HTR2C: variants seen among roughly 807,000 people sequenced by gnomAD.
The protein encoded by HTR2C is 5-hydroxytryptamine (serotonin) receptor 2C, G protein-coupled.
A neutral mutation model predicts 21.0 loss-of-function variants in HTR2C; 5 were observed. That is an observed-to-expected ratio of 0.24 (90% CI 0.12 to 0.50). The LOEUF is 0.50. Among genes scored for constraint, HTR2C ranks in the 20% least tolerant of loss-of-function variants. The pLI is 0.98. For synonymous variants in HTR2C, 150 were observed against 145.3 expected, an observed-to-expected ratio of 1.03 and a Z score of -0.23; for missense variants, 271 against 371.2, an observed-to-expected ratio of 0.73 and a Z score of 2.22.
At chrX:114,896,589 A>T (rs1033104637) in intron 5 of HTR2C, among the ~76,000 whole-genome samples, 1 of 112,108 alleles carries the variant, frequency 8.9e-6, no homozygotes, top group African/African-American at 3.2e-5. Flanking sequence ...ATTATTGTGA[A>T]TACCCACTTT....
intron 2 of HTR2C, among the ~76,000 whole-genome samples, chrX:114,704,458 C>A (rs1260779734): frequency 4.6e-4 from 51 of 111,680 alleles, no homozygotes; most frequent in African/African-American, 1.6e-3. Flanking sequence ...AAGTCAAAAA[C>A]CACATGATTA....
intron 2 of HTR2C, among the ~76,000 whole-genome samples, chrX:114,722,440 T>C (rs183577726): frequency 0.015 from 1,622 of 111,246 alleles, 31 homozygotes; most frequent in African/African-American, 0.05. Context: ...TTTCTAAATA[T>C]ACAATCATGT....
In HTR2C at chrX:114,820,365, AAC is replaced by A. The variant is rs781873638; in HGVS notation, c.350-27633_350-27632del. Among the ~76,000 whole-genome samples the A allele has an allele frequency of 2.1e-4, 23 of 109,934 alleles. No homozygotes were observed. In the South Asian group the frequency reaches 8.6e-3, roughly 41 times the overall value. Reference sequence around the variant, plus strand: ...CATTACTTTAATATTGGACCCCTGAAACACACTGTCCTTTGTTTAAAAAAGTA... The same window carrying A: ...CATTACTTTAATATTGGACCCCTGAAACACTGTCCTTTGTTTAAAAAAGTA... On this transcript the variant is annotated intron_variant, in intron 4 of 5. Coordinates refer to ENST00000276198, the MANE Select transcript of HTR2C (RefSeq NM_000868.4).
intron 1 of HTR2C, among the ~76,000 whole-genome samples, chrX:114,600,239 T>C (rs1387548414): frequency 1.8e-4 from 20 of 112,558 alleles, no homozygotes; most frequent in African/African-American, 6.4e-4. Context: ...TCTGTCTAAT[T>C]ACAAAGGTTG....
At chrX:114,872,229 G>A (rs2071098099) in intron 5 of HTR2C, among the ~76,000 whole-genome samples, 1 of 110,252 alleles carries the variant, frequency 9.1e-6, no homozygotes, top group Admixed American at 9.7e-5. Context: ...CTAGTTAAAG[G>A]TATCAATGTT....
At chrX:114,731,239 T>C in intron 3 of HTR2C, 55 bp from the exon 4 acceptor site, 1 of 852,538 alleles carries the variant, frequency 1.2e-6, no homozygotes, top group Non-Finnish European at 1.7e-6. Context: ...AGCAACGTAT[T>C]GTGTATAAGT....
chrX:114,594,604 C>G (rs782071083), intron 1 of HTR2C, among the ~76,000 whole-genome samples: 2 of 111,365 alleles, frequency 1.8e-5, no homozygotes, highest in East Asian at 5.6e-4. Flanking sequence ...GATACTTATA[C>G]TTTCTAGTTC....
chrX:114,752,049 A>T (rs1400577853), intron 4 of HTR2C, among the ~76,000 whole-genome samples: 1 of 112,449 alleles, frequency 8.9e-6, no homozygotes, highest in Non-Finnish European at 1.9e-5. Flanking sequence ...GACATATCAG[A>T]TATATAACAG....
intron 2 of HTR2C, among the ~76,000 whole-genome samples, chrX:114,618,888 G>C (rs1044428249): frequency 1.4e-5 from 1 of 70,897 alleles, no homozygotes; most frequent in African/African-American, 5.4e-5. Context: ...TGTCCACTTA[G>C]TTCTCTCATA....
At chrX:114,620,943 G>C (rs1400829393) in intron 2 of HTR2C, among the ~76,000 whole-genome samples, 1 of 111,148 alleles carries the variant, frequency 9.0e-6, no homozygotes, top group African/African-American at 3.3e-5. Flanking sequence ...GCAGTGGCAC[G>C]ATCTTGGCCT....
At chrX:114,746,610 C>T (rs782431687) in intron 4 of HTR2C, among the ~76,000 whole-genome samples, 12 of 110,905 alleles carry the variant, frequency 1.1e-4, no homozygotes, top group African/African-American at 3.6e-4. Context: ...TCCCAGCAAT[C>T]TGGGAGGCTG....
intron 4 of HTR2C, among the ~76,000 whole-genome samples, chrX:114,842,171 G>A (rs978756773): frequency 1.8e-5 from 2 of 112,462 alleles, no homozygotes; most frequent in Admixed American, 9.4e-5. Flanking sequence ...GAGCACTGTA[G>A]GGTTTTAAGC....
chrX:114,829,148 G>A (rs1333318838), intron 4 of HTR2C, among the ~76,000 whole-genome samples: 1 of 111,524 alleles, frequency 9.0e-6, no homozygotes, highest in Non-Finnish European at 1.9e-5. Flanking sequence ...TGACGGCACC[G>A]TTTCACTTTA....
chrX:114,643,810 T>G (rs782578261), intron 2 of HTR2C, among the ~76,000 whole-genome samples: 29 of 111,594 alleles, frequency 2.6e-4, no homozygotes, highest in Non-Finnish European at 4.9e-4. Context: ...AAACAATCCC[T>G]CAAACTACCA....
intron 2 of HTR2C, among the ~76,000 whole-genome samples, chrX:114,638,659 A>G (rs1333770114): frequency 8.8e-5 from 8 of 90,588 alleles, no homozygotes; most frequent in African/African-American, 1.6e-4. Context: ...ATATCTCCCA[A>G]TGCTATCCCT....
chrX:114,707,899 A>C (rs73222948), intron 2 of HTR2C, among the ~76,000 whole-genome samples: 7 of 109,466 alleles, frequency 6.4e-5, no homozygotes, highest in African/African-American at 1.7e-4. Context: ...GGCAAAAAAA[A>C]CTTTGCCTAA....
At chrX:114,807,615 A>G (rs1489886472) in intron 4 of HTR2C, among the ~76,000 whole-genome samples, 1 of 108,561 alleles carries the variant, frequency 9.2e-6, no homozygotes, top group Non-Finnish European at 1.9e-5. Flanking sequence ...ATTACCTTAA[A>G]TATGTATCCT....
chrX:114,851,819 A>C (rs2070919944), intron 5 of HTR2C, among the ~76,000 whole-genome samples: 1 of 111,366 alleles, frequency 9.0e-6, no homozygotes, highest in African/African-American at 3.3e-5. Context: ...TTTAGTGGGC[A>C]ATGGTTTTAT....
intron 1 of HTR2C, among the ~76,000 whole-genome samples, chrX:114,604,867 G>A (rs2147797916): frequency 9.0e-6 from 1 of 111,493 alleles, no homozygotes; most frequent in South Asian, 3.8e-4. Flanking sequence ...TTGTCTCAGA[G>A]TGGAGGCAAG....
Sources: allele counts gnomAD v4.1 joint callset (sites outside exome capture counted in the v4.1 genomes callset), GRCh38; gene constraint gnomAD v4.1.1; transcripts MANE v1.5; gene names NCBI Gene and HGNC (gene_info 2026-07-23, HGNC 2026-07-21).